Variants in UNC13B observed in about 807,000 individuals in gnomAD.
The protein encoded by UNC13B is protein unc-13 homolog B.
UNC13B carries 144 observed loss-of-function variants against 211.0 expected under a neutral mutation model. That is an observed-to-expected ratio of 0.68 (90% CI 0.60 to 0.78). The LOEUF is 0.78. Among genes scored for constraint, UNC13B ranks in the 30% least tolerant of loss-of-function variants. UNC13B has a pLI of 0.00. For missense variants in UNC13B, 1,777 were observed against 2,002.0 expected (o/e 0.89, Z 2.14); for synonymous variants, 709 against 725.8 (o/e 0.98, Z 0.37).
intron 7 of UNC13B, among the ~76,000 whole-genome samples, chr9:35,283,813 G>A (rs969805143): frequency 3.3e-5 from 5 of 152,138 alleles, no homozygotes; most frequent in Non-Finnish European, 7.4e-5. Context: ...GGGAATTAAC[G>A]TGGCTCTCTG....
Position 35,403,979 on chromosome 9 carries a change from CCG to C in UNC13B, c.12970_12971del (p.Glu4325IlefsTer38). 6.2e-7 allele frequency: 1 copy of C among 1,613,954 alleles called. No individual in the cohort carries two copies. Among genetic ancestry groups the C allele is most frequent in the Non-Finnish European group, 8.5e-7 (1 of 1,180,014 alleles). ...CTCAGAGGAGCAATGACGAGGTGGC[CCG>C]AGAATTTGTGAAACTCAAATCAGAG... ...LSQRSNDEVA[R>X]EFVKLKSESR... On this transcript the variant is annotated frameshift_variant, in exon 40 of 40. Transcript: ENST00000635942. LOFTEE classifies it high-confidence loss of function.
chr9:35,259,119 A>T lies in UNC13B; in HGVS notation c.526+69A>T, dbSNP rs373916240. On this transcript the variant is annotated intron_variant, in intron 7 of 39. Coordinates refer to ENST00000635942, the MANE Select transcript of UNC13B (RefSeq NM_001371189.2). ...TCTGTCGCTTCTCTGAACATGGGTT[A>T]TTCTGAGCTGGGGAGGGTGGAGATG... The T allele has an allele frequency of 1.1e-5, 17 of 1,519,206 alleles. No individual in the cohort carries two copies. The African/African-American group carries it at 2.2e-4, about 20-fold the overall frequency. The allele number at this position is 1,519,206 out of a possible 1,614,324, so 94.1% of individuals were successfully genotyped here.
intron 11 of UNC13B, among the ~76,000 whole-genome samples, chr9:35,346,638 C>G (rs1832375476): frequency 6.6e-6 from 1 of 152,056 alleles, no homozygotes; most frequent in Admixed American, 6.5e-5. Flanking sequence ...CTTATTTTTC[C>G]CAGCCTTAGG....
rs990623272 is a variant in UNC13B, at chr9:35,249,714, C to T, written c.468+6350C>T. ...CTCTTCTGGCTTGCAGAGTTTCTGC[C>T]GAGAGATCCACTGTTAGTCTGATGG... On this transcript the variant is annotated intron_variant, in intron 6 of 39. Transcript: ENST00000635942. 7.2e-5 allele frequency among the ~76,000 whole-genome samples: 11 copies of T among 152,114 alleles called. 1 individual carries two copies. Among genetic ancestry groups the T allele is most frequent in the Non-Finnish European group, 1.0e-4 (7 of 68,022 alleles).
In UNC13B at chr9:35,385,820, A is replaced by G. The variant is rs1268288213; in HGVS notation, c.10965+7A>G. On this transcript the variant is annotated splice_region_variant and intron_variant, in intron 23 of 39. Coordinates refer to ENST00000635942, the MANE Select transcript of UNC13B (RefSeq NM_001371189.2). ...TACTTTCTTCAGAATGAAGGTAAGA[A>G]ATGGACTGGGGCTTGGGTGGTGCTG... 1 of 1,605,844 alleles carries G rather than the reference A, an allele frequency of 6.2e-7. No homozygotes were observed. Among genetic ancestry groups the G allele is most frequent in the Non-Finnish European group, 8.5e-7 (1 of 1,173,386 alleles).
intron 1 of UNC13B, 191 bp from the exon 2 acceptor site, chr9:35,227,824 A>T (rs1180137836): frequency 6.5e-6 from 3 of 462,544 alleles, no homozygotes; most frequent in Non-Finnish European, 1.1e-5. Context: ...ATGAGATCAG[A>T]TTGACTTTTA....
At chr9:35,174,518 G>A (rs1006699278) in intron 1 of UNC13B, among the ~76,000 whole-genome samples, 39 of 150,776 alleles carry the variant, frequency 2.6e-4, no homozygotes, top group African/African-American at 8.8e-4. Context: ...TAGAGATGGG[G>A]TTTTGCCGTG....
At chr9:35,283,168 A>G (rs1335037513) in intron 7 of UNC13B, among the ~76,000 whole-genome samples, 2 of 151,976 alleles carry the variant, frequency 1.3e-5, no homozygotes, top group African/African-American at 4.8e-5. Context: ...CCTCTATGGC[A>G]CTTTCTCAGT....
chr9:35,297,391 A>G (rs1312323564), intron 8 of UNC13B, among the ~76,000 whole-genome samples: 3 of 143,718 alleles, frequency 2.1e-5, no homozygotes, highest in Non-Finnish European at 4.6e-5. Context: ...GGCCTAAGAC[A>G]CATTTTTTTT....
intron 26 of UNC13B, among the ~76,000 whole-genome samples, chr9:35,395,664 A>C (rs759456107): frequency 8.5e-5 from 13 of 152,340 alleles, no homozygotes; most frequent in South Asian, 2.1e-4. Flanking sequence ...AAGCGGGTAG[A>C]TGAAGAGAAC....
At chr9:35,337,501 A>C (rs1181049532) in intron 11 of UNC13B, among the ~76,000 whole-genome samples, 2 of 152,202 alleles carry the variant, frequency 1.3e-5, no homozygotes, top group Non-Finnish European at 2.9e-5. Flanking sequence ...TTCTCTCTTC[A>C]GACTTACCTA....
chr9:35,318,632 G>A (rs528827310), intron 11 of UNC13B, among the ~76,000 whole-genome samples: 29 of 152,174 alleles, frequency 1.9e-4, no homozygotes, highest in East Asian at 5.8e-4. Flanking sequence ...TTATAGCTGC[G>A]TAATATTCCA....
chr9:35,328,632 CT>C (rs1831162934), intron 11 of UNC13B, among the ~76,000 whole-genome samples: 2 of 122,412 alleles, frequency 1.6e-5, no homozygotes, highest in African/African-American at 3.8e-5. Context: ...TCCTTCCTTC[CT>C]TCCTTCCTTC....
At chr9:35,209,463 C>T (rs1823846834) in intron 1 of UNC13B, among the ~76,000 whole-genome samples, 1 of 152,106 alleles carries the variant, frequency 6.6e-6, no homozygotes, top group Non-Finnish European at 1.5e-5. Context: ...CTGCAACCTC[C>T]ACCTCCCAGA....
At chr9:35,217,524 G>A (rs1230036903) in intron 1 of UNC13B, among the ~76,000 whole-genome samples, 1 of 151,924 alleles carries the variant, frequency 6.6e-6, no homozygotes, top group Non-Finnish European at 1.5e-5. Flanking sequence ...GAGTAGCTGG[G>A]ACTACAGGGG....
chr9:35,273,156 A>G (rs1389995424), intron 7 of UNC13B, among the ~76,000 whole-genome samples: 3 of 152,240 alleles, frequency 2.0e-5, no homozygotes, highest in Non-Finnish European at 4.4e-5. Context: ...AGAATGAATC[A>G]GTTCAGAACA....
rs1014781614 is a variant in UNC13B, at chr9:35,385,051, A to C, written c.10876-673A>C. 8.1e-6 allele frequency: 8 copies of C among 985,328 alleles called. No individual in the cohort carries two copies. The African/African-American group carries it at 1.4e-4, about 17-fold the overall frequency. The allele number at this position is 985,328 out of a possible 1,614,324, so 61.0% of individuals were successfully genotyped here. The stretch of plus-strand genomic sequence containing the variant: ...TAATGGACAGCTGACTGTATATCTT[A>C]TATTTGGCATATAAGTAGCCATTTG... On this transcript the variant is annotated intron_variant, in intron 22 of 39. Transcript: ENST00000635942.
chr9:35,391,913 A>T (rs1393572396), intron 26 of UNC13B, among the ~76,000 whole-genome samples: 3 of 152,200 alleles, frequency 2.0e-5, no homozygotes, highest in African/African-American at 7.2e-5. Context: ...TCAATCTTAC[A>T]TGGAATTCTA....
chr9:35,194,601 C>G (rs1822837767), intron 1 of UNC13B, among the ~76,000 whole-genome samples: 1 of 152,202 alleles, frequency 6.6e-6, no homozygotes, highest in South Asian at 2.1e-4. Flanking sequence ...GGCAGCCACG[C>G]TAACCGTGTT....
Sources: gnomAD v4.1 joint callset for allele counts (sites outside exome capture counted in the v4.1 genomes callset) on GRCh38, gnomAD v4.1.1 for gene constraint, MANE v1.5 for transcripts, NCBI Gene and HGNC (gene_info 2026-07-23, HGNC 2026-07-21) for gene names.